Variants in WLS observed in about 807,000 individuals in gnomAD.
The protein encoded by WLS is Wnt ligand secretion mediator, also known as protein wntless homolog.
A neutral mutation model predicts 62.8 loss-of-function variants in WLS; 23 were observed. The ratio of observed to expected loss-of-function variants is 0.37; its 90% confidence interval spans 0.26 to 0.52. The LOEUF is 0.52. WLS is among the 20% of genes least tolerant of loss of function. The pLI, the probability that WLS is intolerant of heterozygous loss-of-function variation, is 0.92. For synonymous variants in WLS, 246 were observed against 244.1 expected, an observed-to-expected ratio of 1.01 and a Z score of -0.07; for missense variants, 615 against 697.3, an observed-to-expected ratio of 0.88 and a Z score of 1.33.
chr1:68,170,587 G>C (rs1024715804), intron 2 of WLS, among the ~76,000 whole-genome samples: 1 of 152,052 alleles, frequency 6.6e-6, no homozygotes, highest in African/African-American at 2.4e-5. Context: ...ATTACAAAAG[G>C]CTTCTTTATC....
At chr1:68,133,145 A>T (rs1489740460) in intron 11 of WLS, among the ~76,000 whole-genome samples, 1 of 152,164 alleles carries the variant, frequency 6.6e-6, no homozygotes, top group Non-Finnish European at 1.5e-5. Context: ...CTAAATTTAA[A>T]AATCTATATG....
chr1:68,200,439 T>A (rs1415381766), intron 1 of WLS, among the ~76,000 whole-genome samples: 1 of 132,358 alleles, frequency 7.6e-6, no homozygotes, highest in Non-Finnish European at 1.5e-5. Flanking sequence ...CTTTATTTTT[T>A]AAAAATAATT....
intron 1 of WLS, among the ~76,000 whole-genome samples, chr1:68,224,064 T>C (rs1364991591): frequency 6.6e-6 from 1 of 152,240 alleles, no homozygotes; most frequent in African/African-American, 2.4e-5. Flanking sequence ...ACCTCTGCTT[T>C]CTTGGAAATG....
chr1:68,157,096 T>C (rs1490261949), intron 3 of WLS, among the ~76,000 whole-genome samples: 1 of 152,150 alleles, frequency 6.6e-6, no homozygotes, highest in African/African-American at 2.4e-5. Context: ...AAGGCAGGCA[T>C]TGTGCTGTGA....
chr1:68,198,512 G>C (rs1182689185), intron 1 of WLS, among the ~76,000 whole-genome samples: 1 of 152,070 alleles, frequency 6.6e-6, no homozygotes, highest in Non-Finnish European at 1.5e-5. Context: ...GTGAAGAAAT[G>C]TACAAACACA....
rs1648152531 is a variant in WLS, at chr1:68,189,259, C to T, written c.379+4696G>A. ...CAAGGTGCAAGAGTAGGGATGCTGGCATTTCAGATGTGCTAAAGAGATAAG... is the reference window on the plus strand; with the variant it reads ...CAAGGTGCAAGAGTAGGGATGCTGGTATTTCAGATGTGCTAAAGAGATAAG... On this transcript the variant is annotated intron_variant, in intron 2 of 11. Coordinates refer to ENST00000262348, the MANE Select transcript of WLS (RefSeq NM_024911.7). 2.0e-5 allele frequency among the ~76,000 whole-genome samples: 3 copies of T among 152,032 alleles called. No homozygotes were observed. The South Asian group carries it at 6.2e-4, about 32-fold the overall frequency.
chr1:68,122,571 T>A (rs76076402), downstream of WLS, among the ~76,000 whole-genome samples: 4 of 148,564 alleles, frequency 2.7e-5, no homozygotes, highest in Non-Finnish European at 4.5e-5. Context: ...TCTTATTTTT[T>A]AAAAACAGAC....
intron 10 of WLS, chr1:68,138,378 A>C: frequency 6.3e-6 from 1 of 157,970 alleles, no homozygotes; most frequent in Non-Finnish European, 1.4e-5. Flanking sequence ...ATTAATTCAA[A>C]TCCAGTGTCT....
chr1:68,129,074 C>T (rs758104667), intron 11 of WLS, among the ~76,000 whole-genome samples: 14 of 152,100 alleles, frequency 9.2e-5, no homozygotes, highest in East Asian at 1.9e-4. Context: ...TCTGTAATCC[C>T]GGCACTTTGG....
intron 1 of WLS, 80 bp from the exon 2 acceptor site, chr1:68,194,307 G>C: frequency 6.6e-7 from 1 of 1,512,170 alleles, no homozygotes; most frequent in South Asian, 1.3e-5. Flanking sequence ...TTCCACTGCT[G>C]TGTTCCCTCC....
intron 2 of WLS, among the ~76,000 whole-genome samples, chr1:68,164,117 T>C (rs2100517645): frequency 6.6e-6 from 1 of 152,280 alleles, no homozygotes; most frequent in East Asian, 1.9e-4. Flanking sequence ...ATTTTTATCC[T>C]CAGTTAAACA....
Position 68,168,840 on chromosome 1 carries a change from T to C in WLS, c.380-9593A>G, listed in dbSNP as rs536053755. 4.6e-5 allele frequency among the ~76,000 whole-genome samples: 7 copies of C among 152,300 alleles called. No individual in the cohort carries two copies. In the East Asian group the frequency reaches 1.4e-3, roughly 29 times the overall value. On this transcript the variant is annotated intron_variant, in intron 2 of 11. Coordinates refer to ENST00000262348, the MANE Select transcript of WLS (RefSeq NM_024911.7). Reference sequence around the variant, plus strand: ...ATTCCTTCCCCAATAAAAAACTCTCTGACCTGGCTTGAATTTTTCTTGACG... The same window carrying C: ...ATTCCTTCCCCAATAAAAAACTCTCCGACCTGGCTTGAATTTTTCTTGACG...
chr1:68,133,744 G>A (rs6658452), intron 11 of WLS, among the ~76,000 whole-genome samples: 34,396 of 152,150 alleles, frequency 0.23, 4,266 homozygotes, highest in Middle Eastern at 0.31. Context: ...AAAGTCTATC[G>A]TGAAATGCTC....
intron 11 of WLS, among the ~76,000 whole-genome samples, chr1:68,116,550 A>G (rs946201915): frequency 1.3e-5 from 2 of 152,212 alleles, no homozygotes; most frequent in Non-Finnish European, 2.9e-5. Flanking sequence ...CTCTGTGCCA[A>G]CAATTGTGCC....
At position 68,194,036 on chromosome 1, in the gene WLS, G is replaced by A. The variant is rs143496382; in HGVS notation, c.298C>T (p.His100Tyr). 4.0e-5 allele frequency: 64 copies of A among 1,614,018 alleles called. No homozygotes were observed. The highest frequency in any genetic ancestry group is 5.0e-5 in the Non-Finnish European group (59 of 1,180,016). Residue 100 changes from histidine (H) to tyrosine (Y), a missense_variant, in exon 2 of 12, where the codon CAC becomes TAC. Physicochemically the swap from His to Tyr is moderately conservative, Grantham distance 83 (BLOSUM62 2). Transcript: ENST00000262348. ...TGGAACCAAGGACTCATCTCCATGT[G>A]GGGGAGGGGAATGTGAACAGAAAAC... is the stretch of plus-strand genomic sequence containing the variant. ...IVFSVHIPLP[H>Y]MEMSPWFQFM...
chr1:68,142,882 A>G (rs188050045), intron 10 of WLS: 2 of 152,288 alleles, frequency 1.3e-5, no homozygotes, highest in East Asian at 3.9e-4. Context: ...AAAAAATTAT[A>G]TATTTTCACT....
intron 10 of WLS, 191 bp from the exon 11 acceptor site, chr1:68,138,124 G>T: frequency 1.5e-6 from 1 of 667,746 alleles, no homozygotes; most frequent in Non-Finnish European, 2.5e-6. Context: ...AGGTTCTCTA[G>T]CTTTCTGTCA....
At chr1:68,131,568 G>A (rs944675232) in intron 11 of WLS, among the ~76,000 whole-genome samples, 1 of 151,994 alleles carries the variant, frequency 6.6e-6, no homozygotes, top group Non-Finnish European at 1.5e-5. Context: ...ATTGCCCATG[G>A]ACCTCCAAAG....
At position 68,153,528 on chromosome 1, in the gene WLS, C is replaced by G; in HGVS notation, c.792G>C (p.Val264=). 6.2e-7 allele frequency: 1 copy of G among 1,614,114 alleles called. No individual in the cohort carries two copies. Among genetic ancestry groups the G allele is most frequent in the Non-Finnish European group, 8.5e-7 (1 of 1,180,026 alleles). ...AAACCAGCTCTTACTTTTCCAGAAGCACTGGGGGTCGGGACATCATGGTGA... is the reference window on the plus strand; with the variant it reads ...AAACCAGCTCTTACTTTTCCAGAAGGACTGGGGGTCGGGACATCATGGTGA... ...RRITMMSRPP[V]LLEKVIFALG... Residue 264 remains valine, a synonymous_variant, in exon 5 of 12, where the codon GTG becomes GTC. Coordinates refer to ENST00000262348, the MANE Select transcript of WLS (RefSeq NM_024911.7).
Sources: allele counts gnomAD v4.1 joint callset (sites outside exome capture counted in the v4.1 genomes callset), GRCh38; gene constraint gnomAD v4.1.1; transcripts MANE v1.5; gene names NCBI Gene and HGNC (gene_info 2026-07-23, HGNC 2026-07-21).